FNIP2: variants seen among roughly 807,000 people sequenced by gnomAD.
The protein encoded by FNIP2 is folliculin interacting protein 2, also known as folliculin-interacting protein 2.
FNIP2 carries 32 observed loss-of-function variants against 108.7 expected under a neutral mutation model. That is an observed-to-expected ratio of 0.29 (90% CI 0.22 to 0.40). The LOEUF is 0.40. Among genes scored for constraint, FNIP2 ranks in the 10% least tolerant of loss-of-function variants. FNIP2 has a pLI of 1.00. For missense variants in FNIP2, 1,202 were observed against 1,381.6 expected, an observed-to-expected ratio of 0.87 and a Z score of 2.06; for synonymous variants, 480 against 496.7, an observed-to-expected ratio of 0.97 and a Z score of 0.45.
intron 7 of FNIP2, among the ~76,000 whole-genome samples, chr4:158,837,678 A>G (rs1274865320): frequency 1.3e-5 from 2 of 152,236 alleles, no homozygotes; most frequent in African/African-American, 4.8e-5. Flanking sequence ...CCAGATCAGA[A>G]TGCTTTTTTG....
chr4:158,792,372 CTT>C (rs879390673), intron 1 of FNIP2, among the ~76,000 whole-genome samples: 40 of 134,044 alleles, frequency 3.0e-4, no homozygotes, highest in Admixed American at 3.7e-4. Context: ...GAATTTAGTG[CTT>C]TTTTTTTTTT....
At chr4:158,889,239 T>G (rs568941154) in intron 14 of FNIP2, among the ~76,000 whole-genome samples, 2 of 150,886 alleles carry the variant, frequency 1.3e-5, no homozygotes, top group South Asian at 2.1e-4. Context: ...ATGTTAGTAT[T>G]TTTTAGTTTT....
At position 158,792,203 on chromosome 4, in the gene FNIP2, A is replaced by G. The variant is rs189596065; in HGVS notation, c.107+22884A>G. ...CTACTTACCAAAATTTGTAACCCCA[A>G]AATCAATACTCTCGGCACTTTCATG... is the stretch of plus-strand genomic sequence containing the variant. On this transcript the variant is annotated intron_variant, in intron 1 of 16. Coordinates refer to ENST00000264433, the MANE Select transcript of FNIP2 (RefSeq NM_020840.3). Among the ~76,000 whole-genome samples, 549 of 152,310 alleles carry G rather than the reference A, an allele frequency of 3.6e-3. 2 individuals carry two copies. The highest frequency in any genetic ancestry group is 0.014 in the Middle Eastern group (4 of 294).
chr4:158,862,020 C>T (rs2126681645), intron 12 of FNIP2, among the ~76,000 whole-genome samples: 1 of 152,282 alleles, frequency 6.6e-6, no homozygotes, highest in Admixed American at 6.5e-5. Context: ...TCTCCCATTC[C>T]ACAGTGGCTG....
chr4:158,829,293 A>C, intron 3 of FNIP2, 68 bp downstream of exon 3: 1 of 1,384,906 alleles, frequency 7.2e-7, no homozygotes, highest in Non-Finnish European at 9.7e-7. Context: ...TCTCCTTGGG[A>C]AATAATGCCT....
intron 7 of FNIP2, among the ~76,000 whole-genome samples, chr4:158,846,180 G>GT (rs1472277324): frequency 7.9e-5 from 12 of 152,054 alleles, no homozygotes; most frequent in East Asian, 5.8e-4. Context: ...TGAAATAGCT[G>GT]TTTTTTCAGA....
intron 1 of FNIP2, among the ~76,000 whole-genome samples, chr4:158,797,112 A>T (rs759178016): frequency 3.9e-5 from 6 of 152,320 alleles, no homozygotes; most frequent in African/African-American, 1.4e-4. Context: ...TGTCGTAGCT[A>T]TTAGAACTCT....
chr4:158,788,938 A>G lies in FNIP2; in HGVS notation c.107+19619A>G, dbSNP rs141378674. Among the ~76,000 whole-genome samples, 41 of 152,338 alleles carry G rather than the reference A, an allele frequency of 2.7e-4. No individual in the cohort carries two copies. The East Asian group carries it at 7.3e-3, about 27-fold the overall frequency. On this transcript the variant is annotated intron_variant, in intron 1 of 16. Transcript: ENST00000264433. ...TAGGCAAGAGTAAAAACTAAAAGCA[A>G]TGTAAAAGGAAAAGCTTATGCGAGA...
intron 6 of FNIP2, 63 bp downstream of exon 6, chr4:158,833,691 G>T: frequency 2.0e-6 from 3 of 1,505,966 alleles, no homozygotes; most frequent in South Asian, 1.2e-5. Flanking sequence ...TGTGTGTTTT[G>T]CTTTATTTGA....
chr4:158,845,972 A>T (rs1560796870), intron 7 of FNIP2, among the ~76,000 whole-genome samples: 1 of 152,206 alleles, frequency 6.6e-6, no homozygotes, highest in Admixed American at 6.5e-5. Context: ...TTCTCTTGTT[A>T]TGTCTCTTTT....
intron 1 of FNIP2, among the ~76,000 whole-genome samples, chr4:158,773,312 T>C (rs1023505548): frequency 1.3e-5 from 2 of 152,122 alleles, no homozygotes; most frequent in Admixed American, 1.3e-4. Flanking sequence ...TGGTTAGTGA[T>C]TTTTTCAGAG....
At chr4:158,824,674 G>C (rs1045800178) in intron 1 of FNIP2, among the ~76,000 whole-genome samples, 1 of 152,146 alleles carries the variant, frequency 6.6e-6, no homozygotes, top group Non-Finnish European at 1.5e-5. Context: ...CTTTCAAAAA[G>C]TGCAGACCTG....
rs1184481978 is a variant in FNIP2, at chr4:158,868,483, A to G, written c.1847A>G (p.Lys616Arg). The change falls in exon 13 of 17, where the codon AAA (lysine) becomes AGA (arginine). Residue 616 changes from lysine to arginine, a missense_variant. By Grantham distance (26) the Lys-to-Arg change is conservative (BLOSUM62 2). This residue lies in a region of FNIP2 where 878 missense variants were observed against 990.3 expected (regional missense o/e 0.89). Coordinates refer to ENST00000264433, the MANE Select transcript of FNIP2 (RefSeq NM_020840.3). The surrounding 1 kb of genome is among the most constrained non-coding windows in gnomAD (Gnocchi z 4.6). ...AGAGACCTGGGTCTTAAACCTGACA[A>G]AGAAGCTAACAGGAGGCCAGAGCAG... ...DSRDLGLKPD[K>R]EANRRPEQGS... 1.9e-5 allele frequency: 30 copies of G among 1,614,036 alleles called. No homozygotes were observed. The highest frequency in any genetic ancestry group is 2.5e-5 in the Non-Finnish European group (30 of 1,179,884).
intron 1 of FNIP2, among the ~76,000 whole-genome samples, 159 bp downstream of exon 1, chr4:158,769,478 C>T (rs1182007910): frequency 6.6e-6 from 1 of 152,202 alleles, no homozygotes; most frequent in Non-Finnish European, 1.5e-5. Context: ...CGCGCCTGAT[C>T]CGAGTGTGGC....
At chr4:158,857,324 C>A (rs768907910) in intron 8 of FNIP2, among the ~76,000 whole-genome samples, 1 of 152,200 alleles carries the variant, frequency 6.6e-6, no homozygotes, top group African/African-American at 2.4e-5. Flanking sequence ...GAACAGAAAT[C>A]AACTACTGTA....
rs532855582 is a variant in FNIP2, at chr4:158,802,605, A to G, written c.108-23311A>G. 3.5e-4 allele frequency among the ~76,000 whole-genome samples: 53 copies of G among 152,350 alleles called. No homozygotes were observed. In the South Asian group the frequency reaches 0.011, roughly 31 times the overall value. Reference sequence around the variant, plus strand: ...TTGAAGAATGTGAAGTCAAGGAATTACAGAAATGCATGAATACTTACCTAG... The same window carrying G: ...TTGAAGAATGTGAAGTCAAGGAATTGCAGAAATGCATGAATACTTACCTAG... On this transcript the variant is annotated intron_variant, in intron 1 of 16. Coordinates refer to ENST00000264433, the MANE Select transcript of FNIP2 (RefSeq NM_020840.3).
Position 158,829,233 on chromosome 4 carries a change from C to G in FNIP2, c.381+8C>G. ...CAGCTTCCAAAGTACCAGGTACAAC[C>G]ATCCCTTCTGTGGGAATAGCCCCTG... On this transcript the variant is annotated splice_region_variant and intron_variant, in intron 3 of 16. Coordinates refer to ENST00000264433, the MANE Select transcript of FNIP2 (RefSeq NM_020840.3). 6.3e-7 allele frequency: 1 copy of G among 1,598,430 alleles called. No individual in the cohort carries two copies. The highest frequency in any genetic ancestry group is 8.5e-7 in the Non-Finnish European group (1 of 1,170,956).
intron 10 of FNIP2, among the ~76,000 whole-genome samples, 152 bp downstream of exon 10, chr4:158,859,818 A>C (rs575007685): frequency 6.6e-6 from 1 of 152,368 alleles, no homozygotes; most frequent in Non-Finnish European, 1.5e-5. Flanking sequence ...CAAATGAAGC[A>C]AAAAATTTAA....
Position 158,904,653 on chromosome 4 carries a change from AAC to A in FNIP2, c.*111_*112del. ...CAAAAGCATGAGAAGAGCAAACAGA[AAC>A]AGTCATTCCACCTTTTTGTTTTGTG... On this transcript the variant is annotated 3_prime_UTR_variant, in exon 17 of 17. Transcript: ENST00000264433. 3 of 947,300 alleles carry A rather than the reference AAC, an allele frequency of 3.2e-6. No homozygotes were observed. The highest frequency in any genetic ancestry group is 4.9e-6 in the Non-Finnish European group (3 of 611,610). 58.7% of individuals were successfully genotyped at this position (947,300 alleles called of 1,614,324 possible).
Sources: gnomAD v4.1 joint callset for allele counts (sites outside exome capture counted in the v4.1 genomes callset) on GRCh38, gnomAD v4.1.1 for gene constraint, gnomAD v4.1.1 regional missense constraint, Gnocchi (gnomAD v3.1) non-coding constraint, MANE v1.5 for transcripts, NCBI Gene and HGNC (gene_info 2026-07-23, HGNC 2026-07-21) for gene names.